Variants in MITF observed in about 807,000 individuals in gnomAD.
MITF encodes the protein microphthalmia-associated transcription factor.
Under a neutral mutation model 60.5 loss-of-function variants are expected in MITF, and 17 were observed. The ratio of observed to expected loss-of-function variants is 0.28; its 90% CI spans 0.19 to 0.42. The LOEUF (loss-of-function observed/expected upper bound fraction) is 0.42, where lower values mean the gene tolerates loss of function less well. Among genes scored for constraint, MITF ranks in the 10% least tolerant of loss-of-function variants. The probability of loss-of-function intolerance (pLI) is 1.00; values close to 1 mark genes in which losing one functional copy is unlikely to be tolerated. For synonymous variants in MITF, 260 were observed against 248.5 expected, an observed-to-expected ratio of 1.05 and a Z score of -0.43; for missense variants, 622 against 683.5, an observed-to-expected ratio of 0.91 and a Z score of 1.00.
At chr3:69,948,679 C>A in intron 5 of MITF, among the ~76,000 whole-genome samples, 1 of 152,088 alleles carries the variant, frequency 6.6e-6, no homozygotes, top group East Asian at 1.9e-4. Flanking sequence ...TATATACAAT[C>A]CTGTTTTACA....
chr3:69,898,653 A>G (rs572211561), intron 2 of MITF, among the ~76,000 whole-genome samples: 1 of 152,328 alleles, frequency 6.6e-6, no homozygotes, highest in Non-Finnish European at 1.5e-5. Context: ...GTAAAAACAC[A>G]GGAACAAAGC....
At position 69,949,142 on chromosome 3, in the gene MITF, T is replaced by A. The variant is rs1341187678; in HGVS notation, c.854T>A (p.Leu285His). 6.2e-7 allele frequency: 1 copy of A among 1,613,556 alleles called. No individual in the cohort carries two copies. The highest frequency in any genetic ancestry group is 1.3e-5 in the African/African-American group (1 of 74,968). The part of the protein sequence containing the change: ...LTISNSCPAN[L>H]PNIKRELTAC... ...ATCAGCAACTCCTGTCCAGCCAACC[T>A]TCCCAACATAAAAAGGGAGCTCACA... is the stretch of plus-strand genomic sequence containing the variant. Residue 285 changes from leucine (L) to histidine (H), a missense_variant, in exon 6 of 10, where the codon CTT becomes CAT. Transcript: ENST00000352241.
intron 1 of MITF, among the ~76,000 whole-genome samples, chr3:69,808,797 T>A (rs1325405385): frequency 6.6e-6 from 1 of 151,874 alleles, no homozygotes; most frequent in Admixed American, 6.6e-5. Flanking sequence ...CATTACAGAT[T>A]TTAGTGGAGG....
Position 69,879,260 on chromosome 3 carries a change from G to A in MITF, c.231G>A (p.Gln77=), listed in dbSNP as rs1294129544. 1.3e-5 allele frequency: 21 copies of A among 1,614,116 alleles called. No individual in the cohort carries two copies. The highest frequency in any genetic ancestry group is 2.2e-5 in the East Asian group (1 of 44,882). ...AGGAGCAGGAGCGCAGGGAGCAGCAGCAGAAGCTGCAGGCGGCCCAGTTCA... is the reference window on the plus strand; with the variant it reads ...AGGAGCAGGAGCGCAGGGAGCAGCAACAGAAGCTGCAGGCGGCCCAGTTCA... ...QMQEQERREQ[Q]QKLQAAQFMQ... is the part of the protein sequence containing the mutation. Residue 77 remains glutamine, a synonymous_variant, in exon 2 of 10, where the codon CAG becomes CAA. Transcript: ENST00000352241.
intron 1 of MITF, among the ~76,000 whole-genome samples, chr3:69,827,279 T>C (rs13093918): frequency 0.34 from 51,310 of 152,100 alleles, 9,697 homozygotes; most frequent in Non-Finnish European, 0.43. Context: ...GATGTGGATG[T>C]GCAGTGAGAC....
At position 69,861,154 on chromosome 3, in the gene MITF, A is replaced by G. The variant is rs186350312; in HGVS notation, c.105-17980A>G. Among the ~76,000 whole-genome samples the G allele has an allele frequency of 5.4e-4, 82 of 152,320 alleles. 1 individual carries two copies. The East Asian group carries it at 0.015, about 27-fold the overall frequency. ...TAAAGAGTACACAGTTGTATATCCC[A>G]TTTATGACTATTGACTTTCTTCATA... On this transcript the variant is annotated intron_variant, in intron 1 of 9. Coordinates refer to ENST00000352241, the MANE Select transcript of MITF (RefSeq NM_001354604.2).
chr3:69,763,661 C>T (rs906273734), intron 1 of MITF: 4 of 1,259,788 alleles, frequency 3.2e-6, no homozygotes, highest in African/African-American at 1.5e-5. Flanking sequence ...TCAGTGGACT[C>T]AATGTTCCGC....
chr3:69,796,139 A>G (rs1203863447), intron 1 of MITF, among the ~76,000 whole-genome samples: 2 of 151,958 alleles, frequency 1.3e-5, no homozygotes, highest in Non-Finnish European at 2.9e-5. Context: ...GTGCCACCAC[A>G]CCAGCTAATT....
intron 1 of MITF, among the ~76,000 whole-genome samples, chr3:69,803,100 TTC>T (rs2106958743): frequency 6.6e-6 from 1 of 152,308 alleles, no homozygotes; most frequent in Admixed American, 6.5e-5. Flanking sequence ...CTTATGCAGC[TTC>T]TGTTTTGCCA....
At chr3:69,769,891 C>T (rs1255511229) in intron 1 of MITF, 6 of 152,190 alleles carry the variant, frequency 3.9e-5, no homozygotes, top group Non-Finnish European at 7.3e-5. Flanking sequence ...TAATTGTTTA[C>T]TATAACTTTG....
intron 1 of MITF, among the ~76,000 whole-genome samples, chr3:69,754,691 G>C (rs1704063216): frequency 6.6e-6 from 1 of 151,632 alleles, no homozygotes. Context: ...TGTGAGAATG[G>C]ACTAATACAG....
chr3:69,964,557 T>C (rs1376696350), intron 9 of MITF, among the ~76,000 whole-genome samples: 2 of 134,134 alleles, frequency 1.5e-5, no homozygotes, highest in Non-Finnish European at 3.2e-5. Flanking sequence ...GAAATGAAGC[T>C]GCAGATATTT....
intron 1 of MITF, among the ~76,000 whole-genome samples, chr3:69,755,770 A>G (rs1704122576): frequency 6.6e-6 from 1 of 152,034 alleles, no homozygotes; most frequent in African/African-American, 2.4e-5. Flanking sequence ...CTGGGTGCCT[A>G]CCTCATTGAA....
chr3:69,828,204 T>C (rs1162630149), intron 1 of MITF, among the ~76,000 whole-genome samples: 1 of 110,538 alleles, frequency 9.0e-6, no homozygotes, highest in African/African-American at 2.7e-5. Flanking sequence ...TCACCCCAAC[T>C]TAAGGAGCTT....
At position 69,950,446 on chromosome 3, in the gene MITF, AG is replaced by A. The variant is rs1349250539; in HGVS notation, c.880+1279del. ...CACAACTGAAAGAATTCAACTTCTGAGTTATATATATATATATATATATATA... is the reference window on the plus strand; with the variant it reads ...CACAACTGAAAGAATTCAACTTCTGATTATATATATATATATATATATATA... On this transcript the variant is annotated intron_variant, in intron 6 of 9. Transcript: ENST00000352241. Among the ~76,000 whole-genome samples, 120 of 84,746 alleles carry A rather than the reference AG, an allele frequency of 1.4e-3. 3 individuals are homozygous for A. Among genetic ancestry groups the A allele is most frequent in the Non-Finnish European group, 4.0e-4 (18 of 45,560 alleles). 55.6% of individuals were successfully genotyped at this position (84,746 alleles called of 152,430 possible). A position where few individuals can be genotyped will look rare whatever the true frequency, so the allele number is the denominator to read the frequency against.
intron 1 of MITF, among the ~76,000 whole-genome samples, chr3:69,761,507 G>A (rs532965977): frequency 4.6e-5 from 7 of 152,240 alleles, no homozygotes; most frequent in African/African-American, 1.4e-4. Flanking sequence ...TTTGGTGTTC[G>A]GAGGTTTGGA....
chr3:69,944,617 A>G (rs907424349), intron 5 of MITF, among the ~76,000 whole-genome samples: 4 of 152,166 alleles, frequency 2.6e-5, no homozygotes, highest in Admixed American at 2.6e-4. Context: ...CAACATTAGG[A>G]GCACAGACTC....
chr3:69,840,712 A>T (rs1432994239), intron 1 of MITF, among the ~76,000 whole-genome samples: 4 of 151,316 alleles, frequency 2.6e-5, no homozygotes, highest in African/African-American at 9.7e-5. Flanking sequence ...TCAACATGTC[A>T]TCGAAAGGTG....
chr3:69,803,665 C>T (rs903921642), intron 1 of MITF, among the ~76,000 whole-genome samples: 2 of 152,102 alleles, frequency 1.3e-5, no homozygotes, highest in African/African-American at 4.8e-5. Context: ...TCTTTAATGA[C>T]AGAAAACAGG....
Sources: gnomAD v4.1 joint callset for allele counts (sites outside exome capture counted in the v4.1 genomes callset) on GRCh38, gnomAD v4.1.1 for gene constraint, MANE v1.5 for transcripts, NCBI Gene and HGNC (gene_info 2026-07-23, HGNC 2026-07-21) for gene names.